CHL1: variants seen among roughly 807,000 people sequenced by gnomAD.
CHL1 encodes neural cell adhesion molecule L1-like protein.
CHL1 carries 96 observed loss-of-function variants against 141.9 expected under a neutral mutation model. That is an observed-to-expected ratio of 0.68 (90% CI 0.57 to 0.80). CHL1 has a LOEUF of 0.80. Among genes scored for constraint, CHL1 ranks in the 30% least tolerant of loss-of-function variants. The probability of loss-of-function intolerance (pLI) is 0.00; values close to 1 mark genes in which losing one functional copy is unlikely to be tolerated. For missense variants in CHL1, 1,820 were observed against 1,457.2 expected, an observed-to-expected ratio of 1.25 and a Z score of -4.05; for synonymous variants, 613 against 502.2, an observed-to-expected ratio of 1.22 and a Z score of -2.95.
intron 2 of CHL1, among the ~76,000 whole-genome samples, chr3:298,454 C>T (rs558555527): frequency 6.6e-6 from 1 of 152,262 alleles, no homozygotes; most frequent in Admixed American, 6.5e-5. Context: ...GTTTACATTC[C>T]TTGCTCAATA....
intron 2 of CHL1, among the ~76,000 whole-genome samples, chr3:264,371 G>A (rs1454548410): frequency 6.6e-6 from 1 of 152,118 alleles, no homozygotes; most frequent in African/African-American, 2.4e-5. Flanking sequence ...GTAGGAATAG[G>A]AGTATGTAGT....
chr3:342,212 T>A, intron 7 of CHL1, 130 bp downstream of exon 7: 1 of 681,318 alleles, frequency 1.5e-6, no homozygotes. Context: ...TCTGGAGACT[T>A]CTTCCAGATG....
chr3:378,363 G>A (rs1044564541), intron 16 of CHL1, among the ~76,000 whole-genome samples: 1 of 152,146 alleles, frequency 6.6e-6, no homozygotes, highest in Non-Finnish European at 1.5e-5. Flanking sequence ...GGCACAGACT[G>A]AGTTCCCAGG....
Position 366,025 on chromosome 3 carries a change from G to A in CHL1, c.1661G>A (p.Ser554Asn). The part of the protein sequence containing the change: ...KLHMLELHCE[S>N]KCDSHLKHSL... Reference sequence around the variant, plus strand: ...CATATGCTTGAATTACATTGTGAAAGCAAATGTGACTCACATTTGAAACAC... The same window carrying A: ...CATATGCTTGAATTACATTGTGAAAACAAATGTGACTCACATTTGAAACAC... The change falls in exon 15 of 28, where the codon AGC (serine) becomes AAC (asparagine). Residue 554 changes from serine (S) to asparagine (N), a missense_variant. Coordinates refer to ENST00000256509, the MANE Select transcript of CHL1 (RefSeq NM_006614.4). 2.5e-6 allele frequency: 4 copies of A among 1,612,708 alleles called. No individual in the cohort carries two copies. Among genetic ancestry groups the A allele is most frequent in the Non-Finnish European group, 8.5e-7 (1 of 1,178,790 alleles).
chr3:259,323 C>CGTGTGTGTGT (rs11274719), intron 2 of CHL1, among the ~76,000 whole-genome samples: 2 of 143,034 alleles, frequency 1.4e-5, no homozygotes, highest in African/African-American at 5.8e-5. Flanking sequence ...TGTGTGCATG[C>CGTGTGTGTGT]GTGTGTGTGT....
intron 22 of CHL1, 114 bp from the exon 23 acceptor site, chr3:391,561 A>C: frequency 1.4e-6 from 1 of 695,178 alleles, no homozygotes; most frequent in Non-Finnish European, 2.4e-6. Context: ...GTAGTTAATT[A>C]ATATTTACTT....
At chr3:209,766 G>A (rs1173392082) in intron 1 of CHL1, among the ~76,000 whole-genome samples, 2 of 152,128 alleles carry the variant, frequency 1.3e-5, no homozygotes, top group Non-Finnish European at 2.9e-5. Flanking sequence ...CTGTGTCCAA[G>A]TGTTCTCATT....
intron 15 of CHL1, among the ~76,000 whole-genome samples, chr3:375,954 G>A (rs2125354304): frequency 6.6e-6 from 1 of 152,254 alleles, no homozygotes; most frequent in East Asian, 1.9e-4. Flanking sequence ...CATGGATTAG[G>A]GACTAGCAGA....
At chr3:349,646 G>T in intron 10 of CHL1, 103 bp downstream of exon 10, 1 of 999,940 alleles carries the variant, frequency 1.0e-6, no homozygotes, top group Non-Finnish European at 1.5e-6. Context: ...CAGGTCAGCA[G>T]TTTCAACTTT....
At chr3:257,318 T>C (rs1694261127) in intron 2 of CHL1, among the ~76,000 whole-genome samples, 1 of 152,010 alleles carries the variant, frequency 6.6e-6, no homozygotes, top group African/African-American at 2.4e-5. Context: ...TTATAACTAA[T>C]TTTTAACACC....
chr3:214,540 T>C (rs575699106), intron 1 of CHL1, among the ~76,000 whole-genome samples: 50 of 152,350 alleles, frequency 3.3e-4, no homozygotes, highest in African/African-American at 1.2e-3. Flanking sequence ...AATGCTTAAA[T>C]AATTGACTTG....
chr3:327,638 G>A (rs1701117250), intron 4 of CHL1, among the ~76,000 whole-genome samples: 1 of 151,732 alleles, frequency 6.6e-6, no homozygotes, highest in Non-Finnish European at 1.5e-5. Context: ...CCATATGACA[G>A]AAGATAATGT....
intron 2 of CHL1, among the ~76,000 whole-genome samples, chr3:315,488 T>A (rs1016152645): frequency 1.3e-5 from 2 of 152,156 alleles, no homozygotes; most frequent in Non-Finnish European, 2.9e-5. Flanking sequence ...AGGGAGCAAG[T>A]TGTTTCTAGA....
intron 5 of CHL1, among the ~76,000 whole-genome samples, chr3:329,581 A>G (rs1322908185): frequency 1.3e-5 from 2 of 151,978 alleles, no homozygotes; most frequent in African/African-American, 4.8e-5. Flanking sequence ...AAAATAAAGG[A>G]GAGAAAAAAA....
chr3:280,258 TA>T (rs1679886953), intron 2 of CHL1, among the ~76,000 whole-genome samples: 1 of 151,846 alleles, frequency 6.6e-6, no homozygotes, highest in Non-Finnish European at 1.5e-5. Flanking sequence ...ATTTTGTATC[TA>T]AAAGAATGAG....
At chr3:225,301 G>C (rs573985549) in intron 1 of CHL1, among the ~76,000 whole-genome samples, 2 of 152,324 alleles carry the variant, frequency 1.3e-5, no homozygotes, top group African/African-American at 4.8e-5. Flanking sequence ...CCCTCAGAGA[G>C]TGTACAGTCT....
At chr3:207,762 C>G (rs746305838) in intron 1 of CHL1, among the ~76,000 whole-genome samples, 2 of 152,192 alleles carry the variant, frequency 1.3e-5, no homozygotes, top group South Asian at 4.1e-4. Context: ...TTCGTGACCT[C>G]TAGCAATTCT....
intron 1 of CHL1, among the ~76,000 whole-genome samples, chr3:234,226 T>C (rs932945474): frequency 2.6e-5 from 4 of 151,476 alleles, no homozygotes; most frequent in African/African-American, 9.7e-5. Context: ...TGTATGTATG[T>C]ATACATATAT....
intron 5 of CHL1, among the ~76,000 whole-genome samples, chr3:328,780 C>T (rs1390347317): frequency 3.9e-5 from 6 of 152,100 alleles, no homozygotes; most frequent in Admixed American, 6.6e-5. Context: ...ATGGAGACAT[C>T]GTCATTCTGT....
Sources: allele counts gnomAD v4.1 joint callset (sites outside exome capture counted in the v4.1 genomes callset), GRCh38; gene constraint gnomAD v4.1.1; transcripts MANE v1.5; gene names NCBI Gene and HGNC (gene_info 2026-07-23, HGNC 2026-07-21).